GLS: variants seen among roughly 807,000 people sequenced by gnomAD.
The protein encoded by GLS is glutaminase.
Under a neutral mutation model 86.7 loss-of-function variants are expected in GLS, and 36 were observed. The ratio of observed to expected loss-of-function variants is 0.42; its 90% CI spans 0.32 to 0.55. The LOEUF (loss-of-function observed/expected upper bound fraction) is 0.55. Ranked by LOEUF, GLS falls within the 20% of genes least tolerant of loss-of-function variation. GLS has a pLI of 0.17. For synonymous variants in GLS, 317 were observed against 305.9 expected, an observed-to-expected ratio of 1.04 and a Z score of -0.38; for missense variants, 528 against 833.4, an observed-to-expected ratio of 0.63 and a Z score of 4.51.
chr2:190,920,584 G>A lies in GLS; in HGVS notation c.1039-440G>A, dbSNP rs957831151. On this transcript the variant is annotated intron_variant, in intron 7 of 17. Transcript: ENST00000320717. This position sits in a 1 kb window ranked among gnomAD's most constrained non-coding sequence, Gnocchi z 4.2. ...TTTCTAACTCTGATATTAGTTTAAGGATTTAATAAAATATAAGTAGATTGT... is the reference window on the plus strand; with the variant it reads ...TTTCTAACTCTGATATTAGTTTAAGAATTTAATAAAATATAAGTAGATTGT... Among the ~76,000 whole-genome samples the A allele has an allele frequency of 2.0e-5, 3 of 151,586 alleles. No individual in the cohort carries two copies. Among genetic ancestry groups the A allele is most frequent in the African/African-American group, 7.3e-5 (3 of 41,332 alleles).
chr2:190,908,918 C>CA (rs1479313122), intron 6 of GLS, among the ~76,000 whole-genome samples: 1 of 152,110 alleles, frequency 6.6e-6, no homozygotes, highest in Non-Finnish European at 1.5e-5. Flanking sequence ...ATTTAATACT[C>CA]ACATTTATGT....
chr2:190,922,349 C>A (rs1689764788), intron 9 of GLS, among the ~76,000 whole-genome samples: 1 of 152,108 alleles, frequency 6.6e-6, no homozygotes, highest in Admixed American at 6.6e-5. Flanking sequence ...TTATTTTGCA[C>A]TTCCTGCTTC....
intron 14 of GLS, among the ~76,000 whole-genome samples, chr2:190,932,176 C>T (rs1690127333): frequency 6.6e-6 from 1 of 151,996 alleles, no homozygotes; most frequent in Non-Finnish European, 1.5e-5. Context: ...GTGTTTAATG[C>T]AATATTCCTA....
At chr2:190,881,694 C>G in intron 1 of GLS, 1 of 470,638 alleles carries the variant, frequency 2.1e-6, no homozygotes, top group Non-Finnish European at 3.7e-6. Context: ...CTTCTCCGCC[C>G]CCGGCGGGGG....
rs1364816367 is a variant in GLS, at chr2:190,963,520, T to TAAC, written c.*538_*540dup. The TAAC allele has an allele frequency of 6.5e-6, 1 of 152,938 alleles. No individual in the cohort carries two copies. The highest frequency in any genetic ancestry group is 2.4e-5 in the African/African-American group (1 of 41,468). The allele number at this position is 152,938 out of a possible 1,614,324, so 9.5% of individuals were successfully genotyped here. A position where few individuals can be genotyped will look rare whatever the true frequency, so the allele number is the denominator to read the frequency against. ...GTGACTCTTAAAAAACTATAATAGT[T>TAAC]AACAACTGTTAGTAAGATAGACCAA... On this transcript the variant is annotated 3_prime_UTR_variant, in exon 18 of 18. Transcript: ENST00000320717.
chr2:190,950,281 A>C (rs1019655922), intron 14 of GLS, among the ~76,000 whole-genome samples: 1 of 152,120 alleles, frequency 6.6e-6, no homozygotes, highest in Admixed American at 6.5e-5. Context: ...GGGTCCTGAA[A>C]GCCATGGTAA....
At chr2:190,906,474 T>A (rs950619780) in intron 6 of GLS, among the ~76,000 whole-genome samples, 1 of 152,168 alleles carries the variant, frequency 6.6e-6, no homozygotes, top group Admixed American at 6.5e-5. Flanking sequence ...GTTTTAGGAA[T>A]CATGAATTAT....
intron 14 of GLS, among the ~76,000 whole-genome samples, chr2:190,952,987 G>GC (rs1240610367): frequency 6.6e-6 from 1 of 152,170 alleles, no homozygotes; most frequent in Non-Finnish European, 1.5e-5. Flanking sequence ...TTTAAACACA[G>GC]CAGTGTCATA....
intron 11 of GLS, among the ~76,000 whole-genome samples, chr2:190,926,677 G>A (rs1454996881): frequency 2.0e-5 from 3 of 152,038 alleles, no homozygotes; most frequent in Non-Finnish European, 4.4e-5. Context: ...GGTATTCTTA[G>A]CACCCATAGT....
In GLS at chr2:190,897,550, A is replaced by G. The variant is rs1299785353; in HGVS notation, c.605+1825A>G. On this transcript the variant is annotated intron_variant, in intron 3 of 17. Coordinates refer to ENST00000320717, the MANE Select transcript of GLS (RefSeq NM_014905.5). This position sits in a 1 kb window ranked among gnomAD's most constrained non-coding sequence, Gnocchi z 4.3. Reference sequence around the variant, plus strand: ...TATGAGCAACCAGTAGAAAAGTACAAGTCTCTAGGGCATAATTATTTCTCT... The same window carrying G: ...TATGAGCAACCAGTAGAAAAGTACAGGTCTCTAGGGCATAATTATTTCTCT... 6.6e-6 allele frequency among the ~76,000 whole-genome samples: 1 copy of G among 152,214 alleles called. No homozygotes were observed. The highest frequency in any genetic ancestry group is 1.9e-4 in the East Asian group (1 of 5,202).
chr2:190,907,018 C>T (rs1409476416), intron 6 of GLS, among the ~76,000 whole-genome samples: 6 of 150,460 alleles, frequency 4.0e-5, no homozygotes, highest in Non-Finnish European at 8.9e-5. Flanking sequence ...CAAGCTCTGC[C>T]CCCCGGGTTC....
At chr2:190,959,437 TTA>T (rs1463573853) in intron 17 of GLS, among the ~76,000 whole-genome samples, 1 of 152,186 alleles carries the variant, frequency 6.6e-6, no homozygotes, top group Non-Finnish European at 1.5e-5. Flanking sequence ...GTTAATATTG[TTA>T]TGTGTGAATT....
rs771691212 is a variant in GLS, at chr2:190,895,651, G to A, written c.531G>A (p.Glu177=). 137 of 1,602,876 alleles carry A rather than the reference G, an allele frequency of 8.5e-5. No individual in the cohort carries two copies. The East Asian group carries it at 2.7e-3, about 32-fold the overall frequency. ...GLRTSDPRLK[E]CMDMLRLTLQ... Reference sequence around the variant, plus strand: ...GAACGTCTGATCCCAGGTTGAAAGAGTGTATGGATATGTTAAGATTAACTC... The same window carrying A: ...GAACGTCTGATCCCAGGTTGAAAGAATGTATGGATATGTTAAGATTAACTC... Residue 177 remains glutamate (E), a synonymous_variant, in exon 3 of 18, where the codon GAG becomes GAA. Coordinates refer to ENST00000320717, the MANE Select transcript of GLS (RefSeq NM_014905.5). This position sits in a 1 kb window ranked among gnomAD's most constrained non-coding sequence, Gnocchi z 4.2.
intron 1 of GLS, among the ~76,000 whole-genome samples, chr2:190,894,470 G>A (rs2125981737): frequency 6.6e-6 from 1 of 152,116 alleles, no homozygotes; most frequent in South Asian, 2.1e-4. Flanking sequence ...ACTGTCAGTG[G>A]AGTCTTACTC....
At chr2:190,888,212 A>G (rs1370004857) in intron 1 of GLS, among the ~76,000 whole-genome samples, 1 of 152,216 alleles carries the variant, frequency 6.6e-6, no homozygotes, top group Non-Finnish European at 1.5e-5. Flanking sequence ...GTATAAGAAC[A>G]GTAAGCACCA....
At chr2:190,919,152 G>A (rs1477904758) in intron 7 of GLS, among the ~76,000 whole-genome samples, 1 of 152,146 alleles carries the variant, frequency 6.6e-6, no homozygotes, top group African/African-American at 2.4e-5. Flanking sequence ...GAAACACAAT[G>A]AAGTGAAGCT....
chr2:190,915,398 A>G (rs1387485626), intron 7 of GLS, among the ~76,000 whole-genome samples: 1 of 152,150 alleles, frequency 6.6e-6, no homozygotes, highest in Admixed American at 6.6e-5. Flanking sequence ...TGGATTAGAA[A>G]TTTTGATAAG....
At chr2:190,934,825 T>C (rs1690220024) in intron 14 of GLS, 2 of 971,580 alleles carry the variant, frequency 2.1e-6, no homozygotes, top group Non-Finnish European at 2.4e-6. Flanking sequence ...TTAGAAAATG[T>C]TAAGAATGAG....
rs376240021 is a variant in GLS, at chr2:190,901,906, C to G, written c.736-41C>G. 342 of 1,168,164 alleles carry G rather than the reference C, an allele frequency of 2.9e-4. 1 individual carries two copies. The highest frequency in any genetic ancestry group is 2.2e-3 in the South Asian group (181 of 81,230). The allele number at this position is 1,168,164 out of a possible 1,614,324, so 72.4% of individuals were successfully genotyped here. ...TGGTGGAAGAAAATACATTATTTGTCAATATTATATCTATTCATTTCTTTC... is the reference window on the plus strand; with the variant it reads ...TGGTGGAAGAAAATACATTATTTGTGAATATTATATCTATTCATTTCTTTC... On this transcript the variant is annotated intron_variant, in intron 4 of 17. Transcript: ENST00000320717.
Sources: allele counts gnomAD v4.1 joint callset (sites outside exome capture counted in the v4.1 genomes callset), GRCh38; gene constraint gnomAD v4.1.1; non-coding constraint Gnocchi (gnomAD v3.1); transcripts MANE v1.5; gene names NCBI Gene and HGNC (gene_info 2026-07-23, HGNC 2026-07-21).